DACH2: variants seen among roughly 807,000 people sequenced by gnomAD.
DACH2 encodes dachshund homolog 2.
In DACH2, 17 loss-of-function variants were observed where a neutral mutation model predicts 35.8. The ratio of observed to expected loss-of-function variants is 0.48; its 90% CI spans 0.33 to 0.71. The LOEUF (loss-of-function observed/expected upper bound fraction) is 0.71, where lower values mean the gene tolerates loss of function less well. Ranked by LOEUF, DACH2 falls within the 30% of genes least tolerant of loss-of-function variation. The pLI is 0.02. For missense variants in DACH2, 469 were observed against 472.7 expected, an observed-to-expected ratio of 0.99 and a Z score of 0.07; for synonymous variants, 195 against 177.3, an observed-to-expected ratio of 1.10 and a Z score of -0.79.
intron 11 of DACH2, chrX:86,829,224 G>A (rs954043924): frequency 8.9e-6 from 1 of 111,890 alleles, no homozygotes; most frequent in Non-Finnish European, 1.9e-5. Context: ...TACTGTTTTA[G>A]CCCAATTCAG....
At chrX:86,460,737 A>G (rs2037557594) in intron 2 of DACH2, among the ~76,000 whole-genome samples, 1 of 111,106 alleles carries the variant, frequency 9.0e-6, no homozygotes, top group African/African-American at 3.3e-5. Context: ...TATATTTGGC[A>G]GTAGGTAGTA....
chrX:86,462,373 A>G (rs1351401562), intron 2 of DACH2, among the ~76,000 whole-genome samples: 1 of 111,698 alleles, frequency 9.0e-6, no homozygotes, highest in African/African-American at 3.2e-5. Context: ...ATAAATGCAA[A>G]TGATGATGGG....
At chrX:86,344,251 A>G (rs1002072442) in intron 1 of DACH2, among the ~76,000 whole-genome samples, 38 of 108,442 alleles carry the variant, frequency 3.5e-4, no homozygotes, top group African/African-American at 1.2e-3. Context: ...CATCATTGGA[A>G]GAACACTGGA....
At chrX:86,265,223 G>A (rs1039829221) in intron 1 of DACH2, among the ~76,000 whole-genome samples, 4 of 111,453 alleles carry the variant, frequency 3.6e-5, no homozygotes, top group Non-Finnish European at 7.5e-5. Flanking sequence ...CAGATGAGTG[G>A]CAAAACAAGA....
chrX:86,371,530 T>C (rs2035887085), intron 1 of DACH2, among the ~76,000 whole-genome samples: 1 of 111,167 alleles, frequency 9.0e-6, no homozygotes. Context: ...GGATGCCTCC[T>C]ACAAACTTAA....
chrX:86,804,965 C>T (rs992851198), intron 7 of DACH2, among the ~76,000 whole-genome samples: 1 of 112,269 alleles, frequency 8.9e-6, no homozygotes, highest in Non-Finnish European at 1.9e-5. Context: ...GTTCATAGTG[C>T]AGGCTGTTGG....
At chrX:86,260,556 A>T (rs941037777) in intron 1 of DACH2, among the ~76,000 whole-genome samples, 1 of 112,189 alleles carries the variant, frequency 8.9e-6, no homozygotes, top group Non-Finnish European at 1.9e-5. Context: ...TAGTGGCTGG[A>T]AATCATACCA....
rs1315947070 is a variant in DACH2, at chrX:86,199,822, C to T, written c.488+50714C>T. ...GACACAAACAAATGGAAAAACATTTCGTGCTCATGGATAGGAAGAATTAAT... is the reference window on the plus strand; with the variant it reads ...GACACAAACAAATGGAAAAACATTTTGTGCTCATGGATAGGAAGAATTAAT... On this transcript the variant is annotated intron_variant, in intron 1 of 11. Transcript: ENST00000373125. Among the ~76,000 whole-genome samples, 4 of 112,067 alleles carry T rather than the reference C, an allele frequency of 3.6e-5. No homozygotes were observed. The East Asian group carries it at 1.1e-3, about 32-fold the overall frequency.
chrX:86,360,989 T>C (rs1439126983), intron 1 of DACH2, among the ~76,000 whole-genome samples: 1 of 111,106 alleles, frequency 9.0e-6, no homozygotes. Context: ...AAACCTACCA[T>C]TAACACAAAC....
intron 1 of DACH2, among the ~76,000 whole-genome samples, chrX:86,289,214 G>A (rs1353910441): frequency 9.3e-6 from 1 of 107,275 alleles, no homozygotes; most frequent in African/African-American, 3.4e-5. Context: ...CCTCATGACT[G>A]ACCAGTGCCC....
Position 86,453,778 on chromosome X carries a change from G to C in DACH2, c.528-60501G>C, listed in dbSNP as rs367573180. ...GGTTCTTTATCCAGCTTGCTGCTCTGTGTTTTTTAACTGGGACAATTAGCT... is the reference window on the plus strand; with the variant it reads ...GGTTCTTTATCCAGCTTGCTGCTCTCTGTTTTTTAACTGGGACAATTAGCT... On this transcript the variant is annotated intron_variant, in intron 2 of 11. Transcript: ENST00000373125. Among the ~76,000 whole-genome samples the C allele has an allele frequency of 2.7e-4, 30 of 111,465 alleles. No individual in the cohort carries two copies. In the East Asian group the frequency reaches 3.4e-3, roughly 13 times the overall value.
intron 1 of DACH2, among the ~76,000 whole-genome samples, chrX:86,198,334 C>A (rs242834): frequency 1.8e-5 from 2 of 111,032 alleles, no homozygotes; most frequent in African/African-American, 6.6e-5. Context: ...ATGTAACAAC[C>A]TAACATAGCA....
At chrX:86,203,905 G>A (rs2032217886) in intron 1 of DACH2, among the ~76,000 whole-genome samples, 1 of 111,537 alleles carries the variant, frequency 9.0e-6, no homozygotes, top group East Asian at 2.8e-4. Context: ...GTAGAGGACT[G>A]TAGGGTAGAG....
intron 2 of DACH2, among the ~76,000 whole-genome samples, chrX:86,421,648 T>C (rs191478564): frequency 1.2e-3 from 135 of 111,900 alleles, no homozygotes; most frequent in African/African-American, 4.3e-3. Context: ...CCATAGAATA[T>C]TGATTTATAT....
chrX:86,215,341 A>G (rs1487655843), intron 1 of DACH2, among the ~76,000 whole-genome samples: 2 of 111,659 alleles, frequency 1.8e-5, no homozygotes, highest in Non-Finnish European at 3.8e-5. Flanking sequence ...AAGTGAAACA[A>G]AAATAGTAAG....
chrX:86,704,511 A>G (rs1032028796), intron 5 of DACH2, among the ~76,000 whole-genome samples: 1 of 111,732 alleles, frequency 8.9e-6, no homozygotes, highest in African/African-American at 3.3e-5. Flanking sequence ...TAAACAGCCA[A>G]CTCACAGAAT....
At chrX:86,748,553 A>C (rs1170290350) in intron 7 of DACH2, among the ~76,000 whole-genome samples, 2 of 111,987 alleles carry the variant, frequency 1.8e-5, no homozygotes, top group African/African-American at 6.5e-5. Context: ...CATAGGTCTC[A>C]ATAGTGGGCT....
intron 1 of DACH2, among the ~76,000 whole-genome samples, chrX:86,375,742 A>T (rs1482969268): frequency 2.8e-5 from 3 of 108,549 alleles, no homozygotes; most frequent in Non-Finnish European, 5.8e-5. Flanking sequence ...ATATATTTTC[A>T]TTTTTTTTAG....
chrX:86,426,611 C>A (rs971754584), intron 2 of DACH2, among the ~76,000 whole-genome samples: 1 of 111,067 alleles, frequency 9.0e-6, no homozygotes, highest in African/African-American at 3.3e-5. Flanking sequence ...TAAATTGTAC[C>A]TTTATTTCCT....
Sources: gnomAD v4.1 joint callset for allele counts (sites outside exome capture counted in the v4.1 genomes callset) on GRCh38, gnomAD v4.1.1 for gene constraint, MANE v1.5 for transcripts, NCBI Gene and HGNC (gene_info 2026-07-23, HGNC 2026-07-21) for gene names.